ADAMTSL1: variants seen among roughly 807,000 people sequenced by gnomAD.
The protein encoded by ADAMTSL1 is ADAMTS like 1.
A neutral mutation model predicts 201.8 loss-of-function variants in ADAMTSL1; 126 were observed. The ratio of observed to expected loss-of-function variants is 0.62; its 90% CI spans 0.54 to 0.72. The LOEUF is 0.72. ADAMTSL1 is among the 30% of genes least tolerant of loss of function. ADAMTSL1 has a pLI of 0.00. For missense variants in ADAMTSL1, 2,679 were observed against 2,277.8 expected (o/e 1.18, Z -3.59); for synonymous variants, 1,121 against 903.4 (o/e 1.24, Z -4.32).
At chr9:18,608,048 G>A (rs765606408) in intron 4 of ADAMTSL1, among the ~76,000 whole-genome samples, 5 of 152,072 alleles carry the variant, frequency 3.3e-5, no homozygotes, top group African/African-American at 7.2e-5. Context: ...GAAATGCAAC[G>A]TGATGCAATA....
At position 18,773,626 on chromosome 9, in the gene ADAMTSL1, C is replaced by T. The variant is rs374263873; in HGVS notation, c.2398-2117C>T. Among the ~76,000 whole-genome samples the T allele has an allele frequency of 7.2e-5, 11 of 152,240 alleles. 1 individual carries two copies. Among genetic ancestry groups the T allele is most frequent in the African/African-American group, 2.4e-4 (10 of 41,540 alleles). On this transcript the variant is annotated intron_variant, in intron 17 of 28. Coordinates refer to ENST00000380548, the MANE Select transcript of ADAMTSL1 (RefSeq NM_001040272.6). ...GTCTCCTCATCACCTGAGAAGCCCC[C>T]GAATCACTTCCTCAACATAGTTATG...
intron 20 of ADAMTSL1, 58 bp downstream of exon 20, chr9:18,795,582 T>A: frequency 6.5e-7 from 1 of 1,529,254 alleles, no homozygotes; most frequent in Non-Finnish European, 8.8e-7. Context: ...TGAGTGCCTA[T>A]AGTGTGTCAA....
At chr9:17,919,928 A>T (rs1007565705) in intron 1 of ADAMTSL1, among the ~76,000 whole-genome samples, 2 of 152,240 alleles carry the variant, frequency 1.3e-5, no homozygotes, top group East Asian at 3.9e-4. Context: ...ACCATTATAC[A>T]TTCCCATCAG....
intron 20 of ADAMTSL1, among the ~76,000 whole-genome samples, chr9:18,798,757 T>C (rs1449865482): frequency 6.6e-6 from 1 of 152,228 alleles, no homozygotes; most frequent in African/African-American, 2.4e-5. Context: ...ATGCCTGCCA[T>C]TGAGTTTGCC....
At chr9:18,644,693 C>T (rs879444142) in intron 7 of ADAMTSL1, among the ~76,000 whole-genome samples, 1,548 of 151,934 alleles carry the variant, frequency 0.01, 11 homozygotes, top group Non-Finnish European at 0.016. Context: ...CAATTTCATC[C>T]ATGTCCCTAC....
intron 2 of ADAMTSL1, among the ~76,000 whole-genome samples, chr9:18,199,356 A>G (rs1442253031): frequency 6.6e-6 from 1 of 152,120 alleles, no homozygotes; most frequent in African/African-American, 2.4e-5. Context: ...TTTTGAAAAT[A>G]AAAATAAAAA....
chr9:18,873,676 C>G (rs1010489213), intron 23 of ADAMTSL1, among the ~76,000 whole-genome samples: 2 of 152,052 alleles, frequency 1.3e-5, no homozygotes, highest in Non-Finnish European at 2.9e-5. Flanking sequence ...ATTTTTATAC[C>G]AGTACAATGC....
intron 23 of ADAMTSL1, among the ~76,000 whole-genome samples, chr9:18,844,410 G>C (rs1292730951): frequency 1.3e-5 from 2 of 152,136 alleles, no homozygotes; most frequent in Admixed American, 6.5e-5. Flanking sequence ...TGTCTCAGAG[G>C]AGTACCCGGC....
At chr9:18,844,542 T>C (rs1387240164) in intron 23 of ADAMTSL1, among the ~76,000 whole-genome samples, 4 of 152,226 alleles carry the variant, frequency 2.6e-5, no homozygotes, top group Non-Finnish European at 5.9e-5. Context: ...AGCTGCATGC[T>C]GGGAGAACCA....
intron 13 of ADAMTSL1, among the ~76,000 whole-genome samples, chr9:18,685,919 T>C (rs2133206077): frequency 6.7e-6 from 1 of 150,274 alleles, no homozygotes; most frequent in Non-Finnish European, 1.5e-5. Flanking sequence ...ACACTTTTTT[T>C]CCCTATTTTT....
At chr9:17,984,667 G>A (rs944826351) in intron 1 of ADAMTSL1, among the ~76,000 whole-genome samples, 5 of 152,028 alleles carry the variant, frequency 3.3e-5, no homozygotes, top group African/African-American at 9.7e-5. Flanking sequence ...GTTTTTGGAC[G>A]TATTGTCAAA....
intron 25 of ADAMTSL1, among the ~76,000 whole-genome samples, chr9:18,891,743 A>C (rs1032940598): frequency 6.6e-6 from 1 of 152,198 alleles, no homozygotes; most frequent in Non-Finnish European, 1.5e-5. Flanking sequence ...CTACCAGACA[A>C]AACCTTGACT....
intron 2 of ADAMTSL1, among the ~76,000 whole-genome samples, chr9:18,167,116 T>A (rs1192363715): frequency 1.3e-5 from 2 of 152,080 alleles, no homozygotes; most frequent in Non-Finnish European, 1.5e-5. Flanking sequence ...AGAGAAGAAA[T>A]AAGATGTTTG....
chr9:18,634,663 C>A (rs1228949106), intron 5 of ADAMTSL1, among the ~76,000 whole-genome samples: 1 of 151,334 alleles, frequency 6.6e-6, no homozygotes, highest in African/African-American at 2.4e-5. Flanking sequence ...TATAGTGAAA[C>A]CCCATCTCAA....
intron 4 of ADAMTSL1, among the ~76,000 whole-genome samples, chr9:18,607,085 G>T (rs1825068765): frequency 2.0e-5 from 3 of 152,114 alleles, no homozygotes; most frequent in Non-Finnish European, 1.5e-5. Flanking sequence ...TCATTAAAAA[G>T]AATTTTGAAA....
chr9:18,862,001 G>T (rs1827242564), intron 23 of ADAMTSL1, among the ~76,000 whole-genome samples: 1 of 152,166 alleles, frequency 6.6e-6, no homozygotes, highest in South Asian at 2.1e-4. Flanking sequence ...TCCAGGAAAG[G>T]TCTTTGCGTT....
intron 23 of ADAMTSL1, among the ~76,000 whole-genome samples, chr9:18,880,362 T>A (rs535853184): frequency 1.3e-5 from 2 of 152,362 alleles, no homozygotes; most frequent in Admixed American, 1.3e-4. Context: ...TATAGCATTA[T>A]GAAATTTGTT....
chr9:18,831,996 C>T (rs531272009), intron 23 of ADAMTSL1, among the ~76,000 whole-genome samples: 181 of 152,276 alleles, frequency 1.2e-3, no homozygotes, highest in South Asian at 3.7e-3. Context: ...GAGGAAGATT[C>T]CATGAGCCCC....
chr9:18,850,472 A>G (rs1432395880), intron 23 of ADAMTSL1, among the ~76,000 whole-genome samples: 1 of 152,194 alleles, frequency 6.6e-6, no homozygotes, highest in Non-Finnish European at 1.5e-5. Context: ...TGTAGAAGAG[A>G]GGGCAGGATT....
Sources: gnomAD v4.1 joint callset for allele counts (sites outside exome capture counted in the v4.1 genomes callset) on GRCh38, gnomAD v4.1.1 for gene constraint, MANE v1.5 for transcripts, NCBI Gene and HGNC (gene_info 2026-07-23, HGNC 2026-07-21) for gene names.